Variants in KLHL32 observed in about 807,000 individuals in gnomAD.
KLHL32 encodes kelch like family member 32, also known as kelch-like protein 32.
In KLHL32, 35 loss-of-function variants were observed where a neutral mutation model predicts 64.8. The ratio of observed to expected loss-of-function variants is 0.54; its 90% confidence interval spans 0.41 to 0.72. The LOEUF is 0.72. KLHL32 is among the 30% of genes least tolerant of loss of function. The pLI, the probability that KLHL32 is intolerant of heterozygous loss-of-function variation, is 0.00. For missense variants in KLHL32, 589 were observed against 768.5 expected (o/e 0.77, Z 2.76); for synonymous variants, 259 against 281.0 (o/e 0.92, Z 0.78).
rs1004851210 is a variant in KLHL32 at position 96,938,420 on chromosome 6, C to G, written c.-66+13394C>G. On this transcript the variant is annotated intron_variant, in intron 1 of 10. Coordinates refer to ENST00000369261, the MANE Select transcript of KLHL32 (RefSeq NM_052904.4). ...GGCTGGGCCCCACAGTGGACACCTT[C>G]TCTTCTGGGCTCCACCTTCCGGCAT... 2.3e-4 allele frequency among the ~76,000 whole-genome samples: 35 copies of G among 152,186 alleles called. 1 individual carries two copies. Among genetic ancestry groups the G allele is most frequent in the Non-Finnish European group, 5.1e-4 (35 of 68,048 alleles).
At position 96,958,308 on chromosome 6, in the gene KLHL32, A is replaced by G. The variant is rs181922456; in HGVS notation, c.-65-8688A>G. Among the ~76,000 whole-genome samples the G allele has an allele frequency of 2.4e-3, 372 of 152,236 alleles. 2 individuals are homozygous for G. The highest frequency in any genetic ancestry group is 7.8e-3 in the African/African-American group (323 of 41,534). On this transcript the variant is annotated intron_variant, in intron 1 of 10. Transcript: ENST00000369261. ...CTGTGAGTGGGGATCTATAGGTGCT[A>G]TTGGATCATATAGGAGAGTAATTAA...
At chr6:97,083,781 A>G (rs1468471113) in intron 5 of KLHL32, among the ~76,000 whole-genome samples, 5 of 152,162 alleles carry the variant, frequency 3.3e-5, no homozygotes, top group Non-Finnish European at 7.3e-5. Context: ...AACAGCAGTA[A>G]TTTTTGTTTC....
intron 3 of KLHL32, among the ~76,000 whole-genome samples, chr6:96,982,674 C>T (rs1776459375): frequency 6.6e-6 from 1 of 152,102 alleles, no homozygotes; most frequent in African/African-American, 2.4e-5. Context: ...TGATTTGGTT[C>T]TCTGTTTGTC....
chr6:97,085,025 C>G (rs576183303), intron 5 of KLHL32, 101 bp from the exon 6 acceptor site: 1 of 931,248 alleles, frequency 1.1e-6, no homozygotes, highest in African/African-American at 1.7e-5. Context: ...TCTCCCACCA[C>G]TGTGATGAAA....
the KLHL32 span, among the ~76,000 whole-genome samples, chr6:96,907,726 A>G: frequency 1.3e-5 from 2 of 152,154 alleles, no homozygotes; most frequent in East Asian, 1.9e-4. Flanking sequence ...TTCTGTATCA[A>G]TTCCTGCTAA....
intron 1 of KLHL32, among the ~76,000 whole-genome samples, chr6:96,943,632 C>G (rs920521922): frequency 6.6e-6 from 1 of 152,232 alleles, no homozygotes; most frequent in African/African-American, 2.4e-5. Context: ...CCCAGGTCTC[C>G]GAGGTCTTGT....
intron 3 of KLHL32, among the ~76,000 whole-genome samples, chr6:97,007,964 C>T (rs1424317378): frequency 2.0e-5 from 3 of 152,232 alleles, no homozygotes; most frequent in Non-Finnish European, 2.9e-5. Context: ...CTCGCTTGCA[C>T]ATGCCAGCGA....
intron 6 of KLHL32, among the ~76,000 whole-genome samples, chr6:97,099,914 G>T (rs1240646428): frequency 6.6e-6 from 1 of 151,970 alleles, no homozygotes; most frequent in Admixed American, 6.6e-5. Flanking sequence ...GGTGAAGAGG[G>T]TATCTTCTTC....
At chr6:96,991,097 C>G (rs561376836) in intron 3 of KLHL32, among the ~76,000 whole-genome samples, 12 of 151,876 alleles carry the variant, frequency 7.9e-5, no homozygotes, top group African/African-American at 2.9e-4. Flanking sequence ...GGGCTCCTCT[C>G]CTTATGGCGG....
intron 1 of KLHL32, among the ~76,000 whole-genome samples, chr6:96,951,438 C>T (rs944499736): frequency 3.3e-5 from 5 of 152,088 alleles, no homozygotes; most frequent in Non-Finnish European, 7.4e-5. Context: ...GTTTCTAGGT[C>T]TATTTTAAAT....
intron 7 of KLHL32, among the ~76,000 whole-genome samples, chr6:97,116,103 C>T (rs1317200669): frequency 2.6e-5 from 4 of 152,160 alleles, no homozygotes; most frequent in African/African-American, 7.2e-5. Flanking sequence ...ACCTAGCTCA[C>T]ATCAGGGTTT....
chr6:97,058,657 T>TG (rs1397982591), intron 4 of KLHL32, among the ~76,000 whole-genome samples: 6 of 152,216 alleles, frequency 3.9e-5, no homozygotes, highest in African/African-American at 1.4e-4. Context: ...AGAAATCTAT[T>TG]GTTTTTCTGA....
At chr6:97,012,467 G>A (rs1562241857) in intron 3 of KLHL32, among the ~76,000 whole-genome samples, 1 of 152,166 alleles carries the variant, frequency 6.6e-6, no homozygotes. Context: ...CCTCCAGAAG[G>A]AATACAGCCC....
chr6:97,039,803 G>C (rs1198980737), intron 3 of KLHL32, among the ~76,000 whole-genome samples: 2 of 148,866 alleles, frequency 1.3e-5, no homozygotes, highest in African/African-American at 2.5e-5. Context: ...CTGGGTGACA[G>C]AGTAAGACTC....
chr6:97,089,790 A>AG (rs1339885471), intron 6 of KLHL32, among the ~76,000 whole-genome samples: 1 of 151,948 alleles, frequency 6.6e-6, no homozygotes, highest in African/African-American at 2.4e-5. Context: ...AAAAAAAAAA[A>AG]AAAAAGAACA....
rs973914084 is a variant in KLHL32, at chr6:97,140,472, C to A, written c.*1190C>A. The A allele has an allele frequency of 1.3e-5, 2 of 151,934 alleles. No homozygotes were observed. The highest frequency in any genetic ancestry group is 4.8e-5 in the African/African-American group (2 of 41,408). 9.4% of individuals were successfully genotyped at this position (151,934 alleles called of 1,614,324 possible). A position where few individuals can be genotyped will look rare whatever the true frequency, so the allele number is the denominator to read the frequency against. On this transcript the variant is annotated 3_prime_UTR_variant, in exon 11 of 11. Coordinates refer to ENST00000369261, the MANE Select transcript of KLHL32 (RefSeq NM_052904.4). ...TCTCTTTTAATAATGCATAGGAATT[C>A]TTTTTTAGACTAGTTTTTGGGTTTG...
chr6:96,953,870 T>G (rs1309547061), intron 1 of KLHL32, among the ~76,000 whole-genome samples: 2 of 151,630 alleles, frequency 1.3e-5, no homozygotes, highest in Non-Finnish European at 2.9e-5. Flanking sequence ...TTTTTTTTGC[T>G]TATGTTTTTA....
intron 3 of KLHL32, among the ~76,000 whole-genome samples, chr6:97,022,453 A>T (rs914966738): frequency 1.4e-5 from 2 of 145,804 alleles, no homozygotes; most frequent in Non-Finnish European, 3.0e-5. Context: ...CTCTAATTTT[A>T]CCTGTGATAA....
rs149751798 is a variant in KLHL32 at position 97,049,348 on chromosome 6, G to A, written c.312+7749G>A. Among the ~76,000 whole-genome samples the A allele has an allele frequency of 2.8e-3, 422 of 152,264 alleles. 4 individuals are homozygous for A. Among genetic ancestry groups the A allele is most frequent in the African/African-American group, 9.7e-3 (401 of 41,532 alleles). On this transcript the variant is annotated intron_variant, in intron 4 of 10. Coordinates refer to ENST00000369261, the MANE Select transcript of KLHL32 (RefSeq NM_052904.4). The stretch of plus-strand genomic sequence containing the variant: ...CCACAGTGGTCTGATAACCCAGAGG[G>A]CTACTAGGTTACTAACAGGCAGAGA...
Sources: allele counts gnomAD v4.1 joint callset (sites outside exome capture counted in the v4.1 genomes callset), GRCh38; gene constraint gnomAD v4.1.1; transcripts MANE v1.5; gene names NCBI Gene and HGNC (gene_info 2026-07-23, HGNC 2026-07-21).